Variants in TNXB observed in about 807,000 individuals in gnomAD.
TNXB encodes the protein tenascin XB.
TNXB carries 183 observed loss-of-function variants against 340.5 expected under a neutral mutation model. The ratio of observed to expected loss-of-function variants is 0.54; its 90% CI spans 0.48 to 0.61. The LOEUF is 0.61. Ranked by LOEUF, TNXB falls within the 20% of genes least tolerant of loss-of-function variation. The probability of loss-of-function intolerance (pLI) is 0.00; values close to 1 mark genes in which losing one functional copy is unlikely to be tolerated. For synonymous variants in TNXB, 2,121 were observed against 2,314.5 expected (o/e 0.92, Z 2.40); for missense variants, 4,613 against 5,446.4 (o/e 0.85, Z 4.82).
In TNXB at chr6:32,072,213, G is replaced by C; in HGVS notation, c.4767C>G (p.Thr1589=). 1 of 1,611,766 alleles carries C rather than the reference G, an allele frequency of 6.2e-7. No individual in the cohort carries two copies. Among genetic ancestry groups the C allele is most frequent in the Non-Finnish European group, 8.5e-7 (1 of 1,179,182 alleles). The change falls in exon 13 of 44, where the codon ACC becomes ACG. Residue 1589 remains threonine (T), a synonymous_variant. Coordinates refer to ENST00000644971, the MANE Select transcript of TNXB (RefSeq NM_001365276.2). The surrounding 1 kb of genome is among the most constrained non-coding windows in gnomAD (Gnocchi z 4.4). Reference sequence around the variant, plus strand: ...TCCATGAGAGGCCCACAGAGTCAGGGGTTATATCCGTCACTGTCAGCTCCC... The same window carrying C: ...TCCATGAGAGGCCCACAGAGTCAGGCGTTATATCCGTCACTGTCAGCTCCC... ...RLGELTVTDI[T]PDSVGLSWTV... is the part of the protein sequence containing the mutation.
Position 32,053,405 on chromosome 6 carries a change from G to C in TNXB, c.8774C>G (p.Ser2925Cys). ...FHGGQRVGPISVIGVTAAEEE... is the reference protein window; with the variant it reads ...FHGGQRVGPICVIGVTAAEEE... ...ACACTCACCTGTCACCCCAATGACA[G>C]AGATGGGGCCCACGCGCTGGCCACC... Residue 2925 changes from serine (S) to cysteine (C), a missense_variant, in exon 25 of 44, where the codon TCT (serine) becomes TGT (cysteine). Transcript: ENST00000644971. 1 of 1,612,774 alleles carries C rather than the reference G, an allele frequency of 6.2e-7. No individual in the cohort carries two copies. Among genetic ancestry groups the C allele is most frequent in the Non-Finnish European group, 8.5e-7 (1 of 1,179,838 alleles).
At position 32,098,151 on chromosome 6, in the gene TNXB, C is replaced by T. The variant is rs1398568074; in HGVS notation, c.48G>A (p.Val16=). ...YALTSSLVLL[V]LLSTARAGPF... ...GGCCTGCTCTGGCTGTGCTCAGCAG[C>T]ACCAGGAGAACCAGGCTGGAGGTTA... is the stretch of plus-strand genomic sequence containing the variant. Residue 16 remains valine (V), a synonymous_variant, in exon 2 of 44, where the codon GTG becomes GTA. Coordinates refer to ENST00000644971, the MANE Select transcript of TNXB (RefSeq NM_001365276.2). 6.4e-7 allele frequency: 1 copy of T among 1,570,824 alleles called. No individual in the cohort carries two copies. Among genetic ancestry groups the T allele is most frequent in the Admixed American group, 1.8e-5 (1 of 56,994 alleles).
At chr6:32,107,615 G>A (rs1781047124) in intron 1 of TNXB, among the ~76,000 whole-genome samples, 1 of 152,162 alleles carries the variant, frequency 6.6e-6, no homozygotes, top group African/African-American at 2.4e-5. Flanking sequence ...CCCCACAGTT[G>A]GAGGGCTGGC....
chr6:32,072,221 C>G lies in TNXB; in HGVS notation c.4759G>C (p.Asp1587His). 6.2e-7 allele frequency: 1 copy of G among 1,611,292 alleles called. No homozygotes were observed. Among genetic ancestry groups the G allele is most frequent in the Non-Finnish European group, 8.5e-7 (1 of 1,179,054 alleles). Residue 1587 changes from aspartate (D) to histidine (H), a missense_variant, in exon 13 of 44, where the codon GAT (aspartate) becomes CAT (histidine). Asp to His is a moderately conservative substitution (Grantham distance 81). Coordinates refer to ENST00000644971, the MANE Select transcript of TNXB (RefSeq NM_001365276.2). The surrounding 1 kb of genome is among the most constrained non-coding windows in gnomAD (Gnocchi z 4.4). ...EPRLGELTVT[D>H]ITPDSVGLSW... is the part of the protein sequence containing the mutation. ...AGGCCCACAGAGTCAGGGGTTATAT[C>G]CGTCACTGTCAGCTCCCCTAGGCGT...
rs1369393462 is a variant in TNXB, at chr6:32,108,193, G to A, written c.-9+988C>T. 6.6e-6 allele frequency among the ~76,000 whole-genome samples: 1 copy of A among 152,164 alleles called. No individual in the cohort carries two copies. The highest frequency in any genetic ancestry group is 1.5e-5 in the Non-Finnish European group (1 of 68,032). Reference sequence around the variant, plus strand: ...GGAAAAGAGGAGGGGCTGGAGATGCGGGAAGCAGGGGCAGGGCAGGCAGCA... The same window carrying A: ...GGAAAAGAGGAGGGGCTGGAGATGCAGGAAGCAGGGGCAGGGCAGGCAGCA... On this transcript the variant is annotated intron_variant, in intron 1 of 43. Coordinates refer to ENST00000644971, the MANE Select transcript of TNXB (RefSeq NM_001365276.2). This position sits in a 1 kb window ranked among gnomAD's most constrained non-coding sequence, Gnocchi z 4.8.
chr6:32,100,348 G>A (rs1044748145), intron 1 of TNXB, among the ~76,000 whole-genome samples: 23 of 151,994 alleles, frequency 1.5e-4, no homozygotes, highest in African/African-American at 4.3e-4. Flanking sequence ...CAGGCAATCC[G>A]CCCGCCTCGG....
Position 32,058,224 on chromosome 6 carries a change from G to C in TNXB, c.7659C>G (p.Thr2553=). 1.9e-6 allele frequency: 3 copies of C among 1,612,472 alleles called. No homozygotes were observed. The highest frequency in any genetic ancestry group is 1.7e-6 in the Non-Finnish European group (2 of 1,179,848). ...TVPQGRFDSF[T]VQYKDRDGRP... ...GCCCGTCCCTGTCCTTGTACTGCAC[G>C]GTGAAGGAGTCAAAGCGGCCCTGGG... The change falls in exon 22 of 44, where the codon ACC becomes ACG. Residue 2553 remains threonine (T), a synonymous_variant. Transcript: ENST00000644971. The surrounding 1 kb of genome is among the most constrained non-coding windows in gnomAD (Gnocchi z 5.1).
rs748630838 is a variant in TNXB, at chr6:32,087,912, C to CGGGGCT, written c.2779+867_2779+872dup. 1 of 102,194 alleles carries CGGGGCT rather than the reference C, an allele frequency of 9.8e-6. No homozygotes were observed. Among genetic ancestry groups the CGGGGCT allele is most frequent in the East Asian group, 2.2e-4 (1 of 4,632 alleles). The allele number at this position is 102,194 out of a possible 1,614,324, so 6.3% of individuals were successfully genotyped here. A position where few individuals can be genotyped will look rare whatever the true frequency, so the allele number is the denominator to read the frequency against. On this transcript the variant is annotated intron_variant, in intron 6 of 43. Transcript: ENST00000644971. This position sits in a 1 kb window ranked among gnomAD's most constrained non-coding sequence, Gnocchi z 9.0. ...AGGGCCAAGGGGGCCGTGGGGGCCG[C>CGGGGCT]GGGGCTGGGGCTGGCCGGGGCCGGG... is the stretch of plus-strand genomic sequence containing the variant.
rs1457020557 is a variant in TNXB at position 32,086,007 on chromosome 6, C to T, written c.2891G>A (p.Gly964Glu). The change falls in exon 7 of 44, where the codon GGA (glycine) becomes GAA (glutamate). Residue 964 changes from glycine (G) to glutamate (E), a missense_variant. This residue lies in a region of TNXB where 4,327 missense variants were observed against 4,859.4 expected (regional missense o/e 0.89). Coordinates refer to ENST00000644971, the MANE Select transcript of TNXB (RefSeq NM_001365276.2). ...ATCTCTGCCCAGCACCCTCAACTCT[C>T]CCAGCTCCTGGGGGCGCTGCTGCAG... ...PLLQQRPQELGELRVLGRDET... is the reference protein window; with the variant it reads ...PLLQQRPQELEELRVLGRDET... The T allele has an allele frequency of 6.2e-7, 1 of 1,606,472 alleles. No individual in the cohort carries two copies. Among genetic ancestry groups the T allele is most frequent in the African/African-American group, 1.3e-5 (1 of 74,918 alleles).
At position 32,088,930 on chromosome 6, in the gene TNXB, G is replaced by C. The variant is rs529888183; in HGVS notation, c.2634C>G (p.Gly878=). ...GCACTTCCAGCCTCACCCTCTGGTT[G>C]CCGGCACTGACGTAGGACACCACAA... is the stretch of plus-strand genomic sequence containing the variant. The part of the protein sequence containing the change: ...DRFVVSYVSA[G]NQRVRLEVPP... The change falls in exon 6 of 44, where the codon GGC becomes GGG. Residue 878 remains glycine, a synonymous_variant. Transcript: ENST00000644971. 6.9e-6 allele frequency: 11 copies of C among 1,603,452 alleles called. No homozygotes were observed. Among genetic ancestry groups the C allele is most frequent in the Non-Finnish European group, 9.4e-6 (11 of 1,175,246 alleles).
Position 32,069,175 on chromosome 6 carries a change from G to T in TNXB, c.5588-39C>A, listed in dbSNP as rs765828903. ...ACAGGTAGAGACAGATGGCTGGTGT[G>T]TCGCTGCACCCAGACTCTCAGGAGG... On this transcript the variant is annotated intron_variant, in intron 15 of 43. Transcript: ENST00000644971. The surrounding 1 kb of genome is among the most constrained non-coding windows in gnomAD (Gnocchi z 6.2). 187 of 1,560,984 alleles carry T rather than the reference G, an allele frequency of 1.2e-4. No homozygotes were observed. The highest frequency in any genetic ancestry group is 1.6e-4 in the Non-Finnish European group (182 of 1,154,940).
At chr6:32,076,245 T>C (rs1779073722) in intron 11 of TNXB, among the ~76,000 whole-genome samples, 1 of 152,200 alleles carries the variant, frequency 6.6e-6, no homozygotes, top group Admixed American at 6.5e-5. Flanking sequence ...GGTACAATTA[T>C]AACGATTCAT....
chr6:32,092,381 T>C (rs1780113313), intron 4 of TNXB, among the ~76,000 whole-genome samples: 1 of 152,156 alleles, frequency 6.6e-6, no homozygotes, highest in African/African-American at 2.4e-5. Context: ...AATAACTAGG[T>C]ATGTCCCTTG....
chr6:32,088,822 C>G lies in TNXB; in HGVS notation c.2742G>C (p.Arg914=). The G allele has an allele frequency of 6.3e-7, 1 of 1,580,212 alleles. No homozygotes were observed. The highest frequency in any genetic ancestry group is 8.6e-7 in the Non-Finnish European group (1 of 1,163,632). ...YVVTVTAERG[R]AVSYPASVRA... The stretch of plus-strand genomic sequence containing the variant: ...TGACAGAAGCTGGGTAGCTGACTGC[C>G]CGGCCCCGCTCCGCTGTGACAGTCA... The change falls in exon 6 of 44, where the codon CGG becomes CGC. Residue 914 remains arginine (R), a synonymous_variant. Coordinates refer to ENST00000644971, the MANE Select transcript of TNXB (RefSeq NM_001365276.2).
chr6:32,042,407 A>G, intron 40 of TNXB, 45 bp from the exon 41 acceptor site: 1 of 1,596,428 alleles, frequency 6.3e-7, no homozygotes, highest in Non-Finnish European at 8.5e-7. Context: ...CTCCCGGGGC[A>G]ACAGACCCTG....
rs372290800 is a variant in TNXB at position 32,095,741 on chromosome 6, C to T, written c.2112G>A (p.Val704=). The change falls in exon 3 of 44, where the codon GTG becomes GTA. Residue 704 remains valine (V), a synonymous_variant. Coordinates refer to ENST00000644971, the MANE Select transcript of TNXB (RefSeq NM_001365276.2). ...PRELCRAGQC[V]CVEGFRGPDC... is the part of the protein sequence containing the mutation. ...CAGGGCCTCGGAAGCCCTCTACACA[C>T]ACACACTGGCCTGCCCGGCACAGTT... The T allele has an allele frequency of 3.7e-6, 6 of 1,614,016 alleles. No individual in the cohort carries two copies. The highest frequency in any genetic ancestry group is 2.2e-5 in the East Asian group (1 of 44,878).
chr6:32,098,456 T>TTTTTGTTTTGTTTTG (rs60265005), intron 1 of TNXB, among the ~76,000 whole-genome samples: 4 of 151,796 alleles, frequency 2.6e-5, no homozygotes, highest in Non-Finnish European at 4.4e-5. Flanking sequence ...TACACTGGTT[T>TTTTTGTTTTGTTTTG]TTTTGTTTTG....
At position 32,069,915 on chromosome 6, in the gene TNXB, G is replaced by T; in HGVS notation, c.5279-54C>A. The T allele has an allele frequency of 6.6e-7, 1 of 1,509,238 alleles. No individual in the cohort carries two copies. The allele number at this position is 1,509,238 out of a possible 1,614,324, so 93.5% of individuals were successfully genotyped here. ...CTGAGCTGTTTCTGGAAGACTGGGT[G>T]ACCTCGACGGGCAGGATTGAGAGGT... On this transcript the variant is annotated intron_variant, in intron 14 of 43. Transcript: ENST00000644971. This position sits in a 1 kb window ranked among gnomAD's most constrained non-coding sequence, Gnocchi z 6.2.
chr6:32,046,469 A>G lies in TNXB; in HGVS notation c.10325-13T>C. The G allele has an allele frequency of 6.4e-7, 1 of 1,552,566 alleles. No individual in the cohort carries two copies. Among genetic ancestry groups the G allele is most frequent in the South Asian group, 1.2e-5 (1 of 83,438 alleles). On this transcript the variant is annotated splice_polypyrimidine_tract_variant and intron_variant, in intron 30 of 43. Coordinates refer to ENST00000644971, the MANE Select transcript of TNXB (RefSeq NM_001365276.2). The surrounding 1 kb of genome is among the most constrained non-coding windows in gnomAD (Gnocchi z 6.9). ...TTCTCCAGGGGAGCTGTGCAGAGGG[A>G]GGAGGGAAAGCTCTTAGTCACATGC...
Sources: allele counts gnomAD v4.1 joint callset (sites outside exome capture counted in the v4.1 genomes callset), GRCh38; gene constraint gnomAD v4.1.1; regional missense constraint gnomAD v4.1.1; non-coding constraint Gnocchi (gnomAD v3.1); transcripts MANE v1.5; gene names NCBI Gene and HGNC (gene_info 2026-07-23, HGNC 2026-07-21).